The following ATF6 variants were observed in gnomAD, a reference collection of about 807,000 sequenced individuals.
The protein encoded by ATF6 is activating transcription factor 6.
Under a neutral mutation model 83.6 loss-of-function variants are expected in ATF6, and 53 were observed. That is an observed-to-expected ratio of 0.63 (90% CI 0.51 to 0.80). The LOEUF (loss-of-function observed/expected upper bound fraction) is 0.80, where lower values mean the gene tolerates loss of function less well. Among genes scored for constraint, ATF6 ranks in the 30% least tolerant of loss-of-function variants. The pLI is 0.00. For synonymous variants in ATF6, 288 were observed against 285.8 expected, an observed-to-expected ratio of 1.01 and a Z score of -0.08; for missense variants, 744 against 797.9, an observed-to-expected ratio of 0.93 and a Z score of 0.81.
At chr1:161,895,002 G>A (rs1480794773) in intron 14 of ATF6, among the ~76,000 whole-genome samples, 2 of 152,074 alleles carry the variant, frequency 1.3e-5, no homozygotes, top group Non-Finnish European at 2.9e-5. Flanking sequence ...ACTTTGGGGG[G>A]CCAAGGTGGG....
intron 14 of ATF6, among the ~76,000 whole-genome samples, chr1:161,901,891 A>T (rs1687794079): frequency 1.3e-5 from 2 of 152,150 alleles, no homozygotes; most frequent in South Asian, 4.1e-4. Flanking sequence ...TTGTAACATC[A>T]TTCACTGCTC....
At chr1:161,941,487 T>TA (rs976985090) in intron 15 of ATF6, among the ~76,000 whole-genome samples, 9 of 152,202 alleles carry the variant, frequency 5.9e-5, no homozygotes, top group East Asian at 1.9e-4. Context: ...TCTTGCTTTT[T>TA]AAAAAATCCC....
intron 15 of ATF6, among the ~76,000 whole-genome samples, chr1:161,954,250 G>A (rs1284480976): frequency 2.6e-5 from 4 of 152,082 alleles, no homozygotes; most frequent in Admixed American, 6.6e-5. Flanking sequence ...TTGTGTTCCC[G>A]CCTCCCTTGT....
At chr1:161,937,347 TAA>T (rs35432799) in intron 15 of ATF6, among the ~76,000 whole-genome samples, 30 of 110,992 alleles carry the variant, frequency 2.7e-4, no homozygotes, top group African/African-American at 7.6e-4. Flanking sequence ...CCCTCTCAGT[TAA>T]AAAAAAAAAA....
chr1:161,818,536 G>C (rs1685672277), intron 7 of ATF6, among the ~76,000 whole-genome samples: 1 of 152,142 alleles, frequency 6.6e-6, no homozygotes, highest in Non-Finnish European at 1.5e-5. Flanking sequence ...GAGTGTTCCA[G>C]TATATCCTCC....
chr1:161,858,898 A>T (rs1686820274), intron 12 of ATF6, among the ~76,000 whole-genome samples: 1 of 152,184 alleles, frequency 6.6e-6, no homozygotes, highest in Admixed American at 6.5e-5. Flanking sequence ...GCTTTCTGAG[A>T]CTAGGGAAAT....
intron 9 of ATF6, among the ~76,000 whole-genome samples, chr1:161,831,944 T>TAAAAAAAAAAAAA (rs574016070): frequency 7.7e-6 from 1 of 130,520 alleles, no homozygotes; most frequent in Non-Finnish European, 1.7e-5. Flanking sequence ...TAAAGTATAA[T>TAAAAAAAAAAAAA]AAAAAAAAAA....
intron 15 of ATF6, among the ~76,000 whole-genome samples, chr1:161,932,030 AT>A (rs1055243681): frequency 6.6e-6 from 1 of 151,868 alleles, no homozygotes; most frequent in African/African-American, 2.4e-5. Flanking sequence ...AGGAACCAAC[AT>A]TTTTTTTGGT....
At position 161,842,878 on chromosome 1, in the gene ATF6, C is replaced by T. The variant is rs113391853; in HGVS notation, c.1188-3571C>T. Among the ~76,000 whole-genome samples the T allele has an allele frequency of 1.9e-3, 296 of 152,262 alleles. 3 individuals are homozygous for T. Among genetic ancestry groups the T allele is most frequent in the African/African-American group, 6.6e-3 (273 of 41,558 alleles). ...TCAAAGTGAAAGGAGCACATCCTAC[C>T]ACACAGTTCAAAAACAATCACAAAT... On this transcript the variant is annotated intron_variant, in intron 9 of 15. Coordinates refer to ENST00000367942, the MANE Select transcript of ATF6 (RefSeq NM_007348.4).
intron 3 of ATF6, among the ~76,000 whole-genome samples, chr1:161,782,240 A>G (rs1337317164): frequency 1.3e-5 from 2 of 152,236 alleles, no homozygotes; most frequent in Non-Finnish European, 2.9e-5. Context: ...TCAGAAATAG[A>G]AATAGTGATT....
chr1:161,812,954 T>C (rs1685511644), intron 7 of ATF6, among the ~76,000 whole-genome samples: 1 of 152,168 alleles, frequency 6.6e-6, no homozygotes, highest in Non-Finnish European at 1.5e-5. Context: ...CTAGCTCAAT[T>C]ATAACTGGTC....
chr1:161,783,228 T>TAG (rs1684675837), intron 3 of ATF6, among the ~76,000 whole-genome samples: 1 of 152,098 alleles, frequency 6.6e-6, no homozygotes, highest in Admixed American at 6.6e-5. Flanking sequence ...TATCTTCTCT[T>TAG]GATTGAAGGA....
chr1:161,873,528 A>G (rs558023922), intron 14 of ATF6, among the ~76,000 whole-genome samples: 3 of 151,710 alleles, frequency 2.0e-5, no homozygotes, highest in South Asian at 4.1e-4. Context: ...TGGACTCTTA[A>G]TATTTTAACT....
At chr1:161,939,881 G>A (rs1223017432) in intron 15 of ATF6, among the ~76,000 whole-genome samples, 1 of 152,172 alleles carries the variant, frequency 6.6e-6, no homozygotes, top group Non-Finnish European at 1.5e-5. Flanking sequence ...AGCTAAAATG[G>A]AGCAGTTCTT....
intron 15 of ATF6, among the ~76,000 whole-genome samples, chr1:161,928,650 A>G (rs2101900528): frequency 6.6e-6 from 1 of 152,156 alleles, no homozygotes; most frequent in Admixed American, 6.5e-5. Flanking sequence ...ATTTTTTAGT[A>G]GGTAAATGTC....
chr1:161,950,434 T>C (rs1170144233), intron 15 of ATF6, among the ~76,000 whole-genome samples: 2 of 152,246 alleles, frequency 1.3e-5, no homozygotes, highest in African/African-American at 4.8e-5. Flanking sequence ...AGAGGTTTGG[T>C]CCTTAATCTG....
chr1:161,903,727 C>T (rs1405246053), intron 14 of ATF6, among the ~76,000 whole-genome samples: 1 of 152,110 alleles, frequency 6.6e-6, no homozygotes, highest in East Asian at 1.9e-4. Context: ...AATGAGGACA[C>T]AGATTAAGGA....
At position 161,958,907 on chromosome 1, in the gene ATF6, T is replaced by C; in HGVS notation, c.*253T>C. The stretch of plus-strand genomic sequence containing the variant: ...AAATGTAGCCCTGCATCCTCCAGTG[T>C]TACCTGGTGTAGATTTTTTTTTCTG... On this transcript the variant is annotated 3_prime_UTR_variant, in exon 16 of 16. Coordinates refer to ENST00000367942, the MANE Select transcript of ATF6 (RefSeq NM_007348.4). The C allele has an allele frequency of 2.9e-6, 1 of 342,130 alleles. No homozygotes were observed. Among genetic ancestry groups the C allele is most frequent in the Non-Finnish European group, 5.3e-6 (1 of 188,356 alleles). The allele number at this position is 342,130 out of a possible 1,614,324, so 21.2% of individuals were successfully genotyped here. A position where few individuals can be genotyped will look rare whatever the true frequency, so the allele number is the denominator to read the frequency against.
chr1:161,853,018 G>A (rs989245210), intron 11 of ATF6, among the ~76,000 whole-genome samples: 1 of 152,268 alleles, frequency 6.6e-6, no homozygotes, highest in Non-Finnish European at 1.5e-5. Context: ...ATGGTTGACA[G>A]GTTTACCATG....
Sources: allele counts gnomAD v4.1 joint callset (sites outside exome capture counted in the v4.1 genomes callset), GRCh38; gene constraint gnomAD v4.1.1; transcripts MANE v1.5; gene names NCBI Gene and HGNC (gene_info 2026-07-23, HGNC 2026-07-21).